Variants in NLGN1 observed in about 807,000 individuals in gnomAD.
NLGN1 encodes neuroligin-1.
In NLGN1, 12 loss-of-function variants were observed where a neutral mutation model predicts 65.5. That is an observed-to-expected ratio of 0.18 (90% CI 0.12 to 0.30). NLGN1 has a LOEUF of 0.30. NLGN1 is among the 10% of genes least tolerant of loss of function. The pLI is 1.00. For synonymous variants in NLGN1, 350 were observed against 359.5 expected (o/e 0.97, Z 0.30); for missense variants, 750 against 1,007.1 (o/e 0.74, Z 3.46).
At chr3:173,495,769 A>G (rs1729921718) in intron 2 of NLGN1, among the ~76,000 whole-genome samples, 1 of 151,128 alleles carries the variant, frequency 6.6e-6, no homozygotes, top group African/African-American at 2.5e-5. Flanking sequence ...AAGATACAGT[A>G]TATTAAACAT....
chr3:173,891,387 T>C (rs1735304001), intron 4 of NLGN1, among the ~76,000 whole-genome samples: 1 of 152,168 alleles, frequency 6.6e-6, no homozygotes, highest in African/African-American at 2.4e-5. Flanking sequence ...ATCTGCATAG[T>C]CAGAAAATCA....
intron 4 of NLGN1, among the ~76,000 whole-genome samples, chr3:174,115,581 G>A (rs1394888784): frequency 2.0e-5 from 3 of 152,164 alleles, no homozygotes; most frequent in Non-Finnish European, 2.9e-5. Flanking sequence ...TTGGGGTCAT[G>A]GAGATAACTT....
chr3:174,048,280 C>T (rs1444055020), intron 4 of NLGN1, among the ~76,000 whole-genome samples: 10 of 152,076 alleles, frequency 6.6e-5, no homozygotes, highest in Admixed American at 5.9e-4. Flanking sequence ...GGACCAGTCA[C>T]TTGCCCTTTA....
intron 4 of NLGN1, among the ~76,000 whole-genome samples, chr3:173,952,578 A>C (rs567809814): frequency 6.6e-6 from 1 of 152,250 alleles, no homozygotes; most frequent in East Asian, 1.9e-4. Flanking sequence ...TGGTTATTTC[A>C]TCTACGAAGC....
chr3:173,869,420 A>G (rs1243948905), intron 4 of NLGN1, among the ~76,000 whole-genome samples: 1 of 152,174 alleles, frequency 6.6e-6, no homozygotes, highest in Non-Finnish European at 1.5e-5. Flanking sequence ...TGGATTGTAT[A>G]TGCATGCAAA....
intron 4 of NLGN1, among the ~76,000 whole-genome samples, chr3:174,216,761 T>A (rs1475889095): frequency 2.6e-5 from 4 of 152,094 alleles, no homozygotes; most frequent in Non-Finnish European, 5.9e-5. Flanking sequence ...AACCCTGGAA[T>A]CAGGACCTGT....
chr3:173,824,698 T>C (rs1720983261), intron 4 of NLGN1, among the ~76,000 whole-genome samples: 1 of 152,140 alleles, frequency 6.6e-6, no homozygotes, highest in African/African-American at 2.4e-5. Flanking sequence ...CAGGTTTTGC[T>C]ATTTTTCTCC....
chr3:174,206,258 T>C (rs910573883), intron 4 of NLGN1, among the ~76,000 whole-genome samples: 20 of 152,180 alleles, frequency 1.3e-4, no homozygotes, highest in African/African-American at 2.7e-4. Flanking sequence ...ATTGTGTTCC[T>C]TTCTTCACTT....
At chr3:174,004,937 C>A (rs1724057524) in intron 4 of NLGN1, among the ~76,000 whole-genome samples, 1 of 151,976 alleles carries the variant, frequency 6.6e-6, no homozygotes, top group African/African-American at 2.4e-5. Context: ...CAAGTTATAT[C>A]TTTATTACTT....
chr3:173,808,801 C>A (rs1717243001), intron 4 of NLGN1, among the ~76,000 whole-genome samples: 1 of 152,078 alleles, frequency 6.6e-6, no homozygotes, highest in African/African-American at 2.4e-5. Flanking sequence ...CTCTTTCATT[C>A]TATTATCTAA....
chr3:174,039,874 G>A (rs566618369), intron 4 of NLGN1, among the ~76,000 whole-genome samples: 2 of 152,166 alleles, frequency 1.3e-5, no homozygotes, highest in East Asian at 3.9e-4. Context: ...TGTGAGAAAT[G>A]ACAGCAAAAT....
chr3:173,619,670 G>T (rs1753679058), intron 3 of NLGN1, among the ~76,000 whole-genome samples: 1 of 152,144 alleles, frequency 6.6e-6, no homozygotes, highest in Non-Finnish European at 1.5e-5. Flanking sequence ...ACTGTGCAAG[G>T]TTCCACAGTT....
intron 4 of NLGN1, among the ~76,000 whole-genome samples, chr3:174,261,896 G>A (rs960483281): frequency 6.8e-5 from 10 of 147,122 alleles, no homozygotes; most frequent in Middle Eastern, 3.5e-3. Flanking sequence ...AGCGTGAAGC[G>A]TTGTTGAATT....
chr3:174,281,271 C>T (rs1238062688), exon 7 of NLGN1: 2 of 1,611,402 alleles, frequency 1.2e-6, no homozygotes, highest in African/African-American at 2.7e-5. Context: ...TCCCCATCCC[C>T]ACCCCCATTC....
At chr3:173,525,411 A>G (rs758321826) in intron 2 of NLGN1, among the ~76,000 whole-genome samples, 4 of 152,060 alleles carry the variant, frequency 2.6e-5, no homozygotes, top group Non-Finnish European at 5.9e-5. Context: ...ACATGGAGAC[A>G]TTCATAGTAT....
chr3:173,922,299 G>A (rs547667825), intron 4 of NLGN1, among the ~76,000 whole-genome samples: 4 of 151,994 alleles, frequency 2.6e-5, no homozygotes, highest in African/African-American at 7.2e-5. Context: ...TAAGTTATTT[G>A]CCAAGCACTG....
intron 2 of NLGN1, among the ~76,000 whole-genome samples, chr3:173,448,309 A>G (rs1479885531): frequency 6.6e-6 from 1 of 152,160 alleles, no homozygotes; most frequent in Non-Finnish European, 1.5e-5. Context: ...TTCTGCATCT[A>G]TTGAGATAAT....
At chr3:173,807,595 T>C (rs1016823047) in intron 3 of NLGN1, 85 bp from the exon 4 acceptor site, 8 of 1,483,174 alleles carry the variant, frequency 5.4e-6, no homozygotes, top group Non-Finnish European at 7.3e-6. Context: ...TATGCCCTCT[T>C]TTCACTAAGA....
At chr3:173,431,424 A>G (rs1244423338) in intron 1 of NLGN1, among the ~76,000 whole-genome samples, 2 of 152,168 alleles carry the variant, frequency 1.3e-5, no homozygotes, top group African/African-American at 4.8e-5. Flanking sequence ...TATAATATAC[A>G]AAATCTTTCT....
Sources: allele counts gnomAD v4.1 joint callset (sites outside exome capture counted in the v4.1 genomes callset), GRCh38; gene constraint gnomAD v4.1.1; transcripts MANE v1.5; gene names NCBI Gene and HGNC (gene_info 2026-07-23, HGNC 2026-07-21).